The following VPS45 variants were observed in gnomAD, a reference collection of about 807,000 sequenced individuals.
The protein encoded by VPS45 is vacuolar protein sorting-associated protein 45.
A neutral mutation model predicts 75.9 loss-of-function variants in VPS45; 35 were observed. The ratio of observed to expected loss-of-function variants is 0.46; its 90% CI spans 0.35 to 0.61. VPS45 has a LOEUF of 0.61. Among genes scored for constraint, VPS45 ranks in the 20% least tolerant of loss-of-function variants. The pLI, the probability that VPS45 is intolerant of heterozygous loss-of-function variation, is 0.00. For synonymous variants in VPS45, 220 were observed against 238.2 expected, an observed-to-expected ratio of 0.92 and a Z score of 0.70; for missense variants, 559 against 685.9, an observed-to-expected ratio of 0.81 and a Z score of 2.07.
chr1:150,084,594 T>C (rs1655904092), intron 10 of VPS45, among the ~76,000 whole-genome samples: 1 of 152,174 alleles, frequency 6.6e-6, no homozygotes, highest in Admixed American at 6.5e-5. Flanking sequence ...AAGCCACTTA[T>C]AAGAAGCACA....
chr1:150,144,706 C>G lies in VPS45; in HGVS notation c.1626-3C>G. 6.2e-7 allele frequency: 1 copy of G among 1,608,986 alleles called. No individual in the cohort carries two copies. Among genetic ancestry groups the G allele is most frequent in the East Asian group, 2.2e-5 (1 of 44,800 alleles). On this transcript the variant is annotated splice_region_variant and splice_polypyrimidine_tract_variant and intron_variant, in intron 14 of 14. Transcript: ENST00000644510. ...CTTCAAGTAACCTCAAACTACTTATCAGTTTCCTAGAGGAAGTTCTGGCTT... is the reference window on the plus strand; with the variant it reads ...CTTCAAGTAACCTCAAACTACTTATGAGTTTCCTAGAGGAAGTTCTGGCTT...
At chr1:150,111,954 T>C (rs782239076) in intron 14 of VPS45, among the ~76,000 whole-genome samples, 1 of 152,188 alleles carries the variant, frequency 6.6e-6, no homozygotes, top group South Asian at 2.1e-4. Context: ...GTTAAATATA[T>C]AATCATTCAT....
chr1:150,103,562 T>A (rs1012361420), intron 13 of VPS45, among the ~76,000 whole-genome samples: 9 of 152,192 alleles, frequency 5.9e-5, no homozygotes, highest in Admixed American at 1.3e-4. Flanking sequence ...ACCCACAGTT[T>A]ACCATCCGTG....
In VPS45 at chr1:150,096,889, A is replaced by G. The variant is rs191985298; in HGVS notation, c.1493+3241A>G. ...TATTCCTGTGCAAGTACACAAAGAT[A>G]CTTAAGCCAGGATGTTCACTGAAGT... On this transcript the variant is annotated intron_variant, in intron 13 of 14. Coordinates refer to ENST00000644510, the MANE Select transcript of VPS45 (RefSeq NM_007259.5). 3.7e-4 allele frequency among the ~76,000 whole-genome samples: 56 copies of G among 152,288 alleles called. 1 individual carries two copies. Among genetic ancestry groups the G allele is most frequent in the Admixed American group, 2.6e-3 (40 of 15,290 alleles).
At chr1:150,071,840 G>A (rs1655091994) in intron 2 of VPS45, among the ~76,000 whole-genome samples, 1 of 150,900 alleles carries the variant, frequency 6.6e-6, no homozygotes, top group Non-Finnish European at 1.5e-5. Context: ...TAGACAAGCA[G>A]CTTGATGTGA....
At chr1:150,097,422 T>TA (rs1359252314) in intron 13 of VPS45, among the ~76,000 whole-genome samples, 4 of 150,252 alleles carry the variant, frequency 2.7e-5, no homozygotes, top group Middle Eastern at 3.4e-3. Context: ...TTCTTTCAGG[T>TA]AAAAAAACTG....
At chr1:150,067,727 TG>T, upstream of VPS45, 1 of 830,176 alleles carries the variant, frequency 1.2e-6, no homozygotes, top group Non-Finnish European at 2.0e-6. Context: ...CCCAGCACCG[TG>T]GCTGCCCGGA....
chr1:150,126,506 C>T (rs1395022445), intron 14 of VPS45, among the ~76,000 whole-genome samples: 1 of 152,106 alleles, frequency 6.6e-6, no homozygotes, highest in African/African-American at 2.4e-5. Context: ...AGCCACCACA[C>T]CGGCCTGTTT....
intron 14 of VPS45, among the ~76,000 whole-genome samples, chr1:150,131,165 T>A (rs1658812621): frequency 6.6e-6 from 1 of 152,158 alleles, no homozygotes; most frequent in African/African-American, 2.4e-5. Context: ...TGTTTATATC[T>A]TCACATCATG....
intron 14 of VPS45, among the ~76,000 whole-genome samples, chr1:150,117,739 G>A (rs1244037959): frequency 6.6e-6 from 1 of 150,644 alleles, no homozygotes; most frequent in Non-Finnish European, 1.5e-5. Context: ...GCCACCTGTG[G>A]TCTCAGGTAC....
At chr1:150,113,094 C>G (rs1657735086) in intron 14 of VPS45, among the ~76,000 whole-genome samples, 1 of 152,112 alleles carries the variant, frequency 6.6e-6, no homozygotes, top group South Asian at 2.1e-4. Flanking sequence ...TTGATTCAGG[C>G]TCCAACTGTT....
chr1:150,097,717 T>TCAAAA (rs587671669), intron 13 of VPS45, among the ~76,000 whole-genome samples: 151 of 151,906 alleles, frequency 9.9e-4, no homozygotes, highest in South Asian at 8.1e-3. Context: ...AGGCTCCGTC[T>TCAAAA]CAAAACAAAA....
chr1:150,139,395 G>T, intron 14 of VPS45, among the ~76,000 whole-genome samples: 1 of 152,112 alleles, frequency 6.6e-6, no homozygotes, highest in Admixed American at 6.6e-5. Flanking sequence ...CTCTTTCCCA[G>T]ATACATGCTC....
At chr1:150,080,936 C>G (rs911888510) in intron 7 of VPS45, among the ~76,000 whole-genome samples, 2 of 152,200 alleles carry the variant, frequency 1.3e-5, no homozygotes, top group Non-Finnish European at 2.9e-5. Context: ...GAACACACTT[C>G]TCATGCTGCA....
intron 13 of VPS45, among the ~76,000 whole-genome samples, chr1:150,098,615 T>C (rs1273907419): frequency 2.0e-5 from 3 of 152,238 alleles, no homozygotes; most frequent in African/African-American, 4.8e-5. Flanking sequence ...CTCATCATAA[T>C]AGAAATTCTA....
rs587695099 is a variant in VPS45 at position 150,074,016 on chromosome 1, G to GTT, written c.289+1801_289+1802dup. On this transcript the variant is annotated intron_variant, in intron 3 of 14. Transcript: ENST00000644510. The stretch of plus-strand genomic sequence containing the variant: ...CTGTGTGTGTGTGTGTGTTGTTTTT[G>GTT]TTTTTTTTTTTTGTCCGAGAAGCAG... Among the ~76,000 whole-genome samples, 393 of 147,260 alleles carry GTT rather than the reference G, an allele frequency of 2.7e-3. 8 individuals carry two copies. Among genetic ancestry groups the GTT allele is most frequent in the African/African-American group, 4.3e-3 (172 of 40,164 alleles).
chr1:150,136,576 T>C (rs186040754), intron 14 of VPS45, among the ~76,000 whole-genome samples: 1 of 151,718 alleles, frequency 6.6e-6, no homozygotes, highest in Admixed American at 6.6e-5. Flanking sequence ...ACAAAAAAAA[T>C]TGAAAAGTGT....
chr1:150,068,790 T>C, intron 2 of VPS45, 26 bp downstream of exon 2: 2 of 1,564,116 alleles, frequency 1.3e-6, no homozygotes, highest in African/African-American at 1.4e-5. Context: ...AGCTTCCATC[T>C]GCCCAGGCAG....
intron 14 of VPS45, among the ~76,000 whole-genome samples, chr1:150,126,367 T>C (rs1658518785): frequency 6.6e-6 from 1 of 152,014 alleles, no homozygotes; most frequent in East Asian, 1.9e-4. Flanking sequence ...TCTGCCACCA[T>C]GCCTGGCTAA....
Sources: allele counts gnomAD v4.1 joint callset (sites outside exome capture counted in the v4.1 genomes callset), GRCh38; gene constraint gnomAD v4.1.1; transcripts MANE v1.5; gene names NCBI Gene and HGNC (gene_info 2026-07-23, HGNC 2026-07-21).